DIP2C: variants seen among roughly 807,000 people sequenced by gnomAD.
The protein encoded by DIP2C is disco-interacting protein 2 homolog C.
DIP2C carries 33 observed loss-of-function variants against 192.4 expected under a neutral mutation model. That is an observed-to-expected ratio of 0.17 (90% CI 0.13 to 0.23). The LOEUF (loss-of-function observed/expected upper bound fraction) is 0.23, where lower values mean the gene tolerates loss of function less well. Ranked by LOEUF, DIP2C falls within the 10% of genes least tolerant of loss-of-function variation. The probability of loss-of-function intolerance (pLI) is 1.00; values close to 1 mark genes in which losing one functional copy is unlikely to be tolerated. For synonymous variants in DIP2C, 979 were observed against 864.1 expected (o/e 1.13, Z -2.33); for missense variants, 1,537 against 2,110.1 (o/e 0.73, Z 5.32).
chr10:535,681 T>C (rs1490929136), intron 1 of DIP2C, among the ~76,000 whole-genome samples: 1 of 152,166 alleles, frequency 6.6e-6, no homozygotes, highest in Non-Finnish European at 1.5e-5. Context: ...CAAGATGCAA[T>C]GTTACAGTCT....
At chr10:320,059 C>G (rs187105861) in intron 31 of DIP2C, among the ~76,000 whole-genome samples, 23 of 152,220 alleles carry the variant, frequency 1.5e-4, no homozygotes, top group African/African-American at 5.5e-4. Flanking sequence ...AATAGTAAAC[C>G]CTGGGTTTTC....
intron 1 of DIP2C, among the ~76,000 whole-genome samples, chr10:597,184 T>C (rs1247019372): frequency 6.6e-6 from 1 of 152,208 alleles, no homozygotes; most frequent in African/African-American, 2.4e-5. Flanking sequence ...GGCATCCGTC[T>C]TCTGCCCCCG....
chr10:503,136 C>T (rs1404409163), intron 1 of DIP2C, among the ~76,000 whole-genome samples: 1 of 152,000 alleles, frequency 6.6e-6, no homozygotes, highest in African/African-American at 2.4e-5. Context: ...CACTGACCTG[C>T]GGACTTACCA....
intron 31 of DIP2C, among the ~76,000 whole-genome samples, chr10:319,465 CAT>C (rs1167950844): frequency 6.6e-6 from 1 of 152,102 alleles, no homozygotes; most frequent in African/African-American, 2.4e-5. Flanking sequence ...CAGAAGACCT[CAT>C]GTTTTTCTTC....
intron 3 of DIP2C, among the ~76,000 whole-genome samples, chr10:442,256 A>G (rs1967800319): frequency 6.6e-6 from 1 of 152,178 alleles, no homozygotes; most frequent in Non-Finnish European, 1.5e-5. Context: ...TTTCCTGCTT[A>G]AACCCCGCGA....
intron 1 of DIP2C, among the ~76,000 whole-genome samples, chr10:606,222 G>A (rs1852456594): frequency 6.6e-6 from 1 of 151,840 alleles, no homozygotes; most frequent in Non-Finnish European, 1.5e-5. Context: ...GCAGCACCTG[G>A]CTCATGGGCT....
intron 1 of DIP2C, among the ~76,000 whole-genome samples, chr10:616,768 C>G (rs971185609): frequency 1.3e-5 from 2 of 152,196 alleles, no homozygotes; most frequent in African/African-American, 2.4e-5. Context: ...CATAGAGAGT[C>G]TAATGGGGTG....
At chr10:630,067 T>C (rs705487) in intron 1 of DIP2C, 132,351 of 152,212 alleles carry the variant, frequency 0.87, 58,685 homozygotes, top group South Asian at 0.97. Context: ...TAAAGTCGGA[T>C]TAACTCATCT....
intron 6 of DIP2C, 37 bp from the exon 7 acceptor site, chr10:415,925 A>T: frequency 6.2e-7 from 1 of 1,612,888 alleles, no homozygotes; most frequent in South Asian, 1.1e-5. Context: ...GAAAGCGATC[A>T]TCACAGCTTC....
chr10:344,181 G>C (rs565163707), intron 28 of DIP2C, among the ~76,000 whole-genome samples: 1 of 152,328 alleles, frequency 6.6e-6, no homozygotes, highest in Admixed American at 6.5e-5. Flanking sequence ...ACCACAGTAA[G>C]TAAATCATCT....
chr10:407,410 C>G (rs1275690576), intron 9 of DIP2C, among the ~76,000 whole-genome samples: 2 of 152,160 alleles, frequency 1.3e-5, no homozygotes, highest in African/African-American at 4.8e-5. Flanking sequence ...ACTCATCTCT[C>G]TCCTAGACTC....
chr10:553,997 G>A (rs552958334), intron 1 of DIP2C, among the ~76,000 whole-genome samples: 1 of 151,162 alleles, frequency 6.6e-6, no homozygotes, highest in Non-Finnish European at 1.5e-5. Flanking sequence ...TGGCGAACAG[G>A]CAAGAAATAT....
chr10:366,495 C>T (rs558987871), intron 18 of DIP2C, 84 bp from the exon 19 acceptor site: 386 of 1,584,250 alleles, frequency 2.4e-4, no homozygotes, highest in Non-Finnish European at 3.0e-4. Flanking sequence ...CGAATATGAA[C>T]GACACCAGTG....
intron 1 of DIP2C, among the ~76,000 whole-genome samples, chr10:565,645 G>A (rs574928025): frequency 5.3e-5 from 8 of 152,278 alleles, no homozygotes; most frequent in South Asian, 2.1e-4. Flanking sequence ...TGTGTTTCCC[G>A]TTTGCTACAT....
intron 34 of DIP2C, among the ~76,000 whole-genome samples, chr10:284,744 T>TCACA (rs201336183): frequency 1.3e-5 from 2 of 151,410 alleles, no homozygotes; most frequent in Non-Finnish European, 3.0e-5. Flanking sequence ...AATGTTCTCA[T>TCACA]CACACACACA....
Position 390,881 on chromosome 10 carries a change from A to T in DIP2C, c.1261-18T>A, listed in dbSNP as rs751806670. 1.2e-6 allele frequency: 2 copies of T among 1,613,060 alleles called. No homozygotes were observed. The highest frequency in any genetic ancestry group is 1.7e-6 in the Non-Finnish European group (2 of 1,179,554). ...CCTGCGTCCTGAGAGGGCAACAGAG[A>T]GGAGTTGAGAATCCACGACCTGCCC... On this transcript the variant is annotated intron_variant, in intron 10 of 36. Transcript: ENST00000280886.
intron 1 of DIP2C, among the ~76,000 whole-genome samples, chr10:626,133 C>A (rs764744720): frequency 6.6e-6 from 1 of 152,214 alleles, no homozygotes; most frequent in Non-Finnish European, 1.5e-5. Flanking sequence ...GAAACGCTAA[C>A]GAGGGCTGAC....
At chr10:338,553 C>A (rs537317955) in intron 29 of DIP2C, among the ~76,000 whole-genome samples, 1 of 152,186 alleles carries the variant, frequency 6.6e-6, no homozygotes, top group Admixed American at 6.5e-5. Context: ...CACTAACACG[C>A]TGCACAGGAC....
At chr10:578,373 G>C (rs1346649999) in intron 1 of DIP2C, among the ~76,000 whole-genome samples, 1 of 152,162 alleles carries the variant, frequency 6.6e-6, no homozygotes, top group African/African-American at 2.4e-5. Context: ...CATTTATTGA[G>C]CTGAGGGCTG....
Sources: gnomAD v4.1 joint callset for allele counts (sites outside exome capture counted in the v4.1 genomes callset) on GRCh38, gnomAD v4.1.1 for gene constraint, MANE v1.5 for transcripts, NCBI Gene and HGNC (gene_info 2026-07-23, HGNC 2026-07-21) for gene names.